The following ATMIN variants were observed in gnomAD, a reference collection of about 807,000 sequenced individuals.
The protein encoded by ATMIN is ATM INteracting protein.
ATMIN carries 24 observed loss-of-function variants against 49.2 expected under a neutral mutation model. The ratio of observed to expected loss-of-function variants is 0.49; its 90% CI spans 0.35 to 0.69. The LOEUF is 0.69. Ranked by LOEUF, ATMIN falls within the 30% of genes least tolerant of loss-of-function variation. The probability of loss-of-function intolerance (pLI) is 0.00; values close to 1 mark genes in which losing one functional copy is unlikely to be tolerated. For missense variants in ATMIN, 1,037 were observed against 1,005.5 expected (o/e 1.03, Z -0.42); for synonymous variants, 450 against 392.5 (o/e 1.15, Z -1.73).
intron 1 of ATMIN, among the ~76,000 whole-genome samples, chr16:81,040,257 G>C (rs1971015943): frequency 2.6e-5 from 4 of 152,032 alleles, no homozygotes; most frequent in Admixed American, 1.3e-4. Context: ...TTTCTCATCT[G>C]AGCCATCCTA....
At chr16:81,039,576 C>G (rs1256369054) in intron 1 of ATMIN, among the ~76,000 whole-genome samples, 1 of 152,202 alleles carries the variant, frequency 6.6e-6, no homozygotes, top group African/African-American at 2.4e-5. Flanking sequence ...ATCCAGAAAT[C>G]TAGCCCAGCC....
rs754512632 is a variant in ATMIN, at chr16:81,036,162, A to T, written c.292A>T (p.Ser98Cys). Residue 98 changes from serine to cysteine, a missense_variant, in exon 1 of 4, where the codon AGC becomes TGC. By Grantham distance (112) the Ser-to-Cys change is moderately radical. Coordinates refer to ENST00000299575, the MANE Select transcript of ATMIN (RefSeq NM_015251.3). ...VRGCGKILPN[S>C]PALNMHLVKS... is the part of the protein sequence containing the mutation. ...CGGCTGCGGCAAGATCCTGCCCAAC[A>T]GCCCCGCGCTCAACATGCACCTAGT... is the stretch of plus-strand genomic sequence containing the variant. 8 of 1,466,916 alleles carry T rather than the reference A, an allele frequency of 5.5e-6. No individual in the cohort carries two copies. In the South Asian group the frequency reaches 7.4e-5, roughly 13 times the overall value. 90.9% of individuals were successfully genotyped at this position (1,466,916 alleles called of 1,614,324 possible).
Position 81,044,679 on chromosome 16 carries a change from C to T in ATMIN, c.2181C>T (p.Ser727=). Residue 727 remains serine, a synonymous_variant, in exon 4 of 4, where the codon TCC becomes TCT. Coordinates refer to ENST00000299575, the MANE Select transcript of ATMIN (RefSeq NM_015251.3). ...CTCTGGGAAGTATTCTGAAACACTC[C>T]AGCTTTTCCGTGAGTACTGATTCAT... The part of the protein sequence containing the change: ...HLPLGSILKH[S]SFSVSTDSSD... 3 of 1,614,192 alleles carry T rather than the reference C, an allele frequency of 1.9e-6. No individual in the cohort carries two copies. The highest frequency in any genetic ancestry group is 1.6e-4 in the Middle Eastern group (1 of 6,062).
At chr16:81,038,026 G>A (rs571534210) in intron 1 of ATMIN, among the ~76,000 whole-genome samples, 2 of 152,292 alleles carry the variant, frequency 1.3e-5, no homozygotes, top group Admixed American at 1.3e-4. Flanking sequence ...GTTGTTAGGA[G>A]CTCTAGCTCT....
chr16:81,046,462 AGT>A lies in ATMIN; in HGVS notation c.*1494_*1495del, dbSNP rs753293471. ...TTCTGCATTTTGGTTTTTTTTCTTA[AGT>A]GAATAATACCAGTCTTCAAAGAAAA... On this transcript the variant is annotated 3_prime_UTR_variant, in exon 4 of 4. Coordinates refer to ENST00000299575, the MANE Select transcript of ATMIN (RefSeq NM_015251.3). The A allele has an allele frequency of 6.6e-6, 1 of 152,142 alleles. No individual in the cohort carries two copies. Among genetic ancestry groups the A allele is most frequent in the Non-Finnish European group, 1.5e-5 (1 of 68,022 alleles). The allele number at this position is 152,142 out of a possible 1,614,324, so 9.4% of individuals were successfully genotyped here.
At position 81,044,047 on chromosome 16, in the gene ATMIN, A is replaced by G; in HGVS notation, c.1549A>G (p.Ile517Val). 2 of 1,614,216 alleles carry G rather than the reference A, an allele frequency of 1.2e-6. No homozygotes were observed. Among genetic ancestry groups the G allele is most frequent in the Non-Finnish European group, 1.7e-6 (2 of 1,180,016 alleles). Residue 517 changes from isoleucine to valine, a missense_variant, in exon 4 of 4, where the codon ATT (isoleucine) becomes GTT (valine). Physicochemically the swap from Ile to Val is conservative, Grantham distance 29. Transcript: ENST00000299575. The stretch of plus-strand genomic sequence containing the variant: ...GGACCAAGCTGGAATGTGCGGAGAC[A>G]TTTTTGAGAGTGTTCATTCATCATA... ...QMDQAGMCGDIFESVHSSYNV... is the reference protein window; with the variant it reads ...QMDQAGMCGDVFESVHSSYNV...
chr16:81,038,923 G>A (rs1409885396), intron 1 of ATMIN, among the ~76,000 whole-genome samples: 1 of 152,166 alleles, frequency 6.6e-6, no homozygotes, highest in Non-Finnish European at 1.5e-5. Flanking sequence ...AGCCTCCCGA[G>A]TAGTTGGGAC....
intron 1 of ATMIN, 105 bp from the exon 2 acceptor site, chr16:81,041,251 A>G (rs1971032058): frequency 7.9e-7 from 1 of 1,272,296 alleles, no homozygotes; most frequent in African/African-American, 1.5e-5. Flanking sequence ...ACTCTTAATT[A>G]AAAGTATTTC....
At chr16:81,042,250 T>C in intron 2 of ATMIN, 31 bp from the exon 3 acceptor site, 1 of 1,605,272 alleles carries the variant, frequency 6.2e-7, no homozygotes, top group East Asian at 2.2e-5. Flanking sequence ...GTTGCTGTTT[T>C]TCACCTTAGT....
intron 1 of ATMIN, among the ~76,000 whole-genome samples, chr16:81,039,847 A>T (rs2151738428): frequency 6.6e-6 from 1 of 152,326 alleles, no homozygotes; most frequent in South Asian, 2.1e-4. Flanking sequence ...AAGGAAAGGA[A>T]AGGTTCCAAG....
intron 2 of ATMIN, 82 bp downstream of exon 2, chr16:81,041,563 T>G: frequency 2.0e-6 from 3 of 1,511,966 alleles, no homozygotes; most frequent in Non-Finnish European, 2.7e-6. Context: ...AACTACAGAA[T>G]TGAGTAGACA....
chr16:81,041,489 C>A lies in ATMIN; in HGVS notation c.462+8C>A. 1 of 1,597,928 alleles carries A rather than the reference C, an allele frequency of 6.3e-7. No individual in the cohort carries two copies. Among genetic ancestry groups the A allele is most frequent in the Non-Finnish European group, 8.5e-7 (1 of 1,176,108 alleles). ...TTTTCTCTCGTAAAACAGGTACTCT[C>A]TACTCTGAGGATGAGATACAGATGC... On this transcript the variant is annotated splice_region_variant and intron_variant, in intron 2 of 3. Transcript: ENST00000299575.
At chr16:81,043,066 G>A (rs1597126301) in intron 3 of ATMIN, 95 bp from the exon 4 acceptor site, 2 of 1,433,116 alleles carry the variant, frequency 1.4e-6, no homozygotes, top group East Asian at 2.3e-5. Context: ...CTCTGCTATA[G>A]ATGGGGGAAA....
chr16:81,044,256 A>T lies in ATMIN; in HGVS notation c.1758A>T (p.Gln586His). The part of the protein sequence containing the change: ...PSQNMTDNQT[Q>H]TIDLLSDLEN... ...AGAACATGACAGATAATCAGACCCA[A>T]ACCATAGATTTATTAAGTGATTTGG... Residue 586 changes from glutamine (Q) to histidine (H), a missense_variant, in exon 4 of 4, where the codon CAA (glutamine) becomes CAT (histidine). Coordinates refer to ENST00000299575, the MANE Select transcript of ATMIN (RefSeq NM_015251.3). 1.2e-6 allele frequency: 2 copies of T among 1,614,070 alleles called. No individual in the cohort carries two copies. The highest frequency in any genetic ancestry group is 1.7e-6 in the Non-Finnish European group (2 of 1,180,012).
chr16:81,036,402 G>T (rs968480600), intron 1 of ATMIN, among the ~76,000 whole-genome samples, 196 bp downstream of exon 1: 12 of 151,920 alleles, frequency 7.9e-5, no homozygotes, highest in African/African-American at 1.9e-4. Context: ...GCGGCCTCTG[G>T]GGGGGAGGAG....
intron 1 of ATMIN, among the ~76,000 whole-genome samples, chr16:81,036,979 T>C (rs1970948339): frequency 6.6e-6 from 1 of 152,244 alleles, no homozygotes; most frequent in African/African-American, 2.4e-5. Flanking sequence ...ATTGCCCCTG[T>C]GGCTCTTCTT....
At position 81,046,658 on chromosome 16, in the gene ATMIN, A is replaced by G. The variant is rs966232307; in HGVS notation, c.*1688A>G. On this transcript the variant is annotated 3_prime_UTR_variant, in exon 4 of 4. Transcript: ENST00000299575. Reference sequence around the variant, plus strand: ...TCAGTGCAGCCTGTAAGTTCTCCACATTGACACACACACACACACACACAC... The same window carrying G: ...TCAGTGCAGCCTGTAAGTTCTCCACGTTGACACACACACACACACACACAC... 1.2e-5 allele frequency: 1 copy of G among 82,180 alleles called. No individual in the cohort carries two copies. Among genetic ancestry groups the G allele is most frequent in the African/African-American group, 3.5e-5 (1 of 28,286 alleles). The allele number at this position is 82,180 out of a possible 1,614,324, so 5.1% of individuals were successfully genotyped here.
chr16:81,041,240 A>T, intron 1 of ATMIN, 116 bp from the exon 2 acceptor site: 1 of 1,161,428 alleles, frequency 8.6e-7, no homozygotes, highest in African/African-American at 1.6e-5. Context: ...TAGATGGAAA[A>T]ACTCTTAATT....
rs779279664 is a variant in ATMIN, at chr16:81,041,415, C to T, written c.396C>T (p.Cys132=). The T allele has an allele frequency of 3.1e-6, 5 of 1,613,884 alleles. No homozygotes were observed. Among genetic ancestry groups the T allele is most frequent in the Non-Finnish European group, 3.4e-6 (4 of 1,179,976 alleles). Residue 132 remains cysteine (C), a synonymous_variant, in exon 2 of 4, where the codon TGC becomes TGT. Transcript: ENST00000299575. ...TGAAAACTGGACCGAAATTCTACTG[C>T]TGTCCAATTGAAGGCTGCCCCAGAG... The part of the protein sequence containing the change: ...KDLKTGPKFY[C]CPIEGCPRGP...
Sources: gnomAD v4.1 joint callset for allele counts (sites outside exome capture counted in the v4.1 genomes callset) on GRCh38, gnomAD v4.1.1 for gene constraint, MANE v1.5 for transcripts, NCBI Gene and HGNC (gene_info 2026-07-23, HGNC 2026-07-21) for gene names.